ADAMTSL3: variants seen among roughly 807,000 people sequenced by gnomAD.
ADAMTSL3 encodes the protein ADAMTS like 3.
A neutral mutation model predicts 201.7 loss-of-function variants in ADAMTSL3; 128 were observed. The ratio of observed to expected loss-of-function variants is 0.63; its 90% confidence interval spans 0.55 to 0.73. ADAMTSL3 has a LOEUF of 0.73. Ranked by LOEUF, ADAMTSL3 falls within the 30% of genes least tolerant of loss-of-function variation. ADAMTSL3 has a pLI of 0.00. For synonymous variants in ADAMTSL3, 738 were observed against 748.4 expected, an observed-to-expected ratio of 0.99 and a Z score of 0.23; for missense variants, 1,990 against 2,119.6, an observed-to-expected ratio of 0.94 and a Z score of 1.20.
At chr15:83,914,931 T>C (rs1359499086) in intron 16 of ADAMTSL3, among the ~76,000 whole-genome samples, 2 of 152,220 alleles carry the variant, frequency 1.3e-5, no homozygotes, top group African/African-American at 4.8e-5. Context: ...AACATGCCCT[T>C]GGCAATTTGG....
intron 27 of ADAMTSL3, 28 bp from the exon 28 acceptor site, chr15:84,031,307 T>G: frequency 6.2e-7 from 1 of 1,604,678 alleles, no homozygotes; most frequent in Non-Finnish European, 8.5e-7. Flanking sequence ...TTGCAGGATT[T>G]ACACTGCACT....
chr15:83,959,582 G>A (rs2066923392), intron 19 of ADAMTSL3, among the ~76,000 whole-genome samples: 1 of 152,166 alleles, frequency 6.6e-6, no homozygotes. Context: ...GAAAGAAAGT[G>A]TGAGCCAAAG....
chr15:84,037,494 T>G (rs2068532959), intron 29 of ADAMTSL3, among the ~76,000 whole-genome samples: 1 of 152,026 alleles, frequency 6.6e-6, no homozygotes, highest in African/African-American at 2.4e-5. Flanking sequence ...ACTGGGAGGG[T>G]CCAGAGAGCA....
rs1313726985 is a variant in ADAMTSL3 at position 83,817,419 on chromosome 15, AT to A, written c.364-2389del. Among the ~76,000 whole-genome samples the A allele has an allele frequency of 3.3e-5, 5 of 152,354 alleles. No individual in the cohort carries two copies. The East Asian group carries it at 9.6e-4, about 29-fold the overall frequency. Reference sequence around the variant, plus strand: ...ATCTGTAAAGGAACTAGGAAGATACATTTAAGTATTTATCTGTTCTCAGAGC... The same window carrying A: ...ATCTGTAAAGGAACTAGGAAGATACATTAAGTATTTATCTGTTCTCAGAGC... On this transcript the variant is annotated intron_variant, in intron 5 of 29. Transcript: ENST00000286744.
chr15:83,891,188 G>T, intron 11 of ADAMTSL3, 141 bp from the exon 12 acceptor site: 1 of 617,638 alleles, frequency 1.6e-6, no homozygotes, highest in Non-Finnish European at 2.7e-6. Flanking sequence ...GAATTTTTGG[G>T]AATGGTTGAT....
intron 27 of ADAMTSL3, among the ~76,000 whole-genome samples, chr15:84,026,066 T>A (rs1411156942): frequency 6.6e-6 from 1 of 152,168 alleles, no homozygotes; most frequent in Non-Finnish European, 1.5e-5. Context: ...AATAAAGACA[T>A]AAATTTTTAT....
chr15:83,902,713 T>C (rs928348743), intron 15 of ADAMTSL3, among the ~76,000 whole-genome samples: 1 of 152,152 alleles, frequency 6.6e-6, no homozygotes, highest in African/African-American at 2.4e-5. Flanking sequence ...CACCTCCTTT[T>C]TTTTGCCTTG....
chr15:83,998,192 C>A (rs923078877), intron 23 of ADAMTSL3, among the ~76,000 whole-genome samples: 1 of 152,336 alleles, frequency 6.6e-6, no homozygotes, highest in African/African-American at 2.4e-5. Flanking sequence ...AGGCTGACAC[C>A]TGTAATCCCA....
rs1387221365 is a variant in ADAMTSL3, at chr15:83,982,522, G to A, written c.2894G>A (p.Gly965Asp). Reference sequence around the variant, plus strand: ...AAACGGCTTGGCATCACCAAGTCAGGCTCACTAAAAATCCATGGTCTTGCT... The same window carrying A: ...AAACGGCTTGGCATCACCAAGTCAGACTCACTAAAAATCCATGGTCTTGCT... Reference protein sequence around the residue: ...NSKRLGITKSGSLKIHGLAAP... With the variant: ...NSKRLGITKSDSLKIHGLAAP... Residue 965 changes from glycine (G) to aspartate (D), a missense_variant, in exon 21 of 30, where the codon GGC (glycine) becomes GAC (aspartate). Transcript: ENST00000286744. 6.2e-7 allele frequency: 1 copy of A among 1,614,186 alleles called. No homozygotes were observed. Among genetic ancestry groups the A allele is most frequent in the South Asian group, 1.1e-5 (1 of 91,082 alleles).
chr15:83,812,341 T>A (rs2141886401), intron 5 of ADAMTSL3, among the ~76,000 whole-genome samples: 1 of 152,212 alleles, frequency 6.6e-6, no homozygotes, highest in East Asian at 1.9e-4. Flanking sequence ...GCCACACTAG[T>A]TCAGTGGTTA....
intron 7 of ADAMTSL3, among the ~76,000 whole-genome samples, chr15:83,846,362 G>A (rs2064497580): frequency 6.6e-6 from 1 of 152,180 alleles, no homozygotes; most frequent in African/African-American, 2.4e-5. Context: ...TCTCACAACT[G>A]GTGAGTGGTC....
At chr15:83,850,951 C>T (rs80328375) in intron 7 of ADAMTSL3, among the ~76,000 whole-genome samples, 3,373 of 152,214 alleles carry the variant, frequency 0.022, 118 homozygotes, top group African/African-American at 0.076. Context: ...CTATATCCTG[C>T]GCCCGTGCTG....
At chr15:83,922,982 A>G (rs1014967562) in intron 16 of ADAMTSL3, among the ~76,000 whole-genome samples, 3 of 152,174 alleles carry the variant, frequency 2.0e-5, no homozygotes, top group Admixed American at 6.5e-5. Flanking sequence ...TGATTTTCCA[A>G]TAATTTTTTT....
chr15:83,932,035 G>A (rs1340437923), intron 17 of ADAMTSL3, among the ~76,000 whole-genome samples: 2 of 152,092 alleles, frequency 1.3e-5, no homozygotes, highest in South Asian at 2.1e-4. Context: ...AATCAGGGAC[G>A]ATAAGAAAAT....
In ADAMTSL3 at chr15:83,900,699, C is replaced by T. The variant is rs141715541; in HGVS notation, c.1700+968C>T. ...GCAGAGTTCACTGCATTAAGAGACACCTCATTCTTGTGTTGAGCAACCCGT... is the reference window on the plus strand; with the variant it reads ...GCAGAGTTCACTGCATTAAGAGACATCTCATTCTTGTGTTGAGCAACCCGT... On this transcript the variant is annotated intron_variant, in intron 15 of 29. Transcript: ENST00000286744. Among the ~76,000 whole-genome samples the T allele has an allele frequency of 6.4e-4, 97 of 152,354 alleles. 1 individual carries two copies. The highest frequency in any genetic ancestry group is 3.4e-3 in the Middle Eastern group (1 of 294).
intron 8 of ADAMTSL3, among the ~76,000 whole-genome samples, chr15:83,859,311 G>A (rs1165670789): frequency 6.6e-6 from 1 of 152,190 alleles, no homozygotes; most frequent in Admixed American, 6.5e-5. Context: ...AAGACTTGGA[G>A]TCAGCAGAAA....
chr15:83,847,289 A>G (rs1303644646), intron 7 of ADAMTSL3, among the ~76,000 whole-genome samples: 1 of 152,074 alleles, frequency 6.6e-6, no homozygotes, highest in East Asian at 1.9e-4. Context: ...GGCATACTGC[A>G]TTTTTCTCAC....
chr15:83,813,653 T>A (rs2063730844), intron 5 of ADAMTSL3, among the ~76,000 whole-genome samples: 1 of 152,132 alleles, frequency 6.6e-6, no homozygotes. Context: ...GTTCACTCTG[T>A]CAGGGGAGAT....
At chr15:83,763,752 G>A (rs1198258441) in intron 3 of ADAMTSL3, among the ~76,000 whole-genome samples, 1 of 152,094 alleles carries the variant, frequency 6.6e-6, no homozygotes, top group African/African-American at 2.4e-5. Context: ...TGATCCGCCC[G>A]CCTTGGCCTC....
Sources: gnomAD v4.1 joint callset for allele counts (sites outside exome capture counted in the v4.1 genomes callset) on GRCh38, gnomAD v4.1.1 for gene constraint, MANE v1.5 for transcripts, NCBI Gene and HGNC (gene_info 2026-07-23, HGNC 2026-07-21) for gene names.